DLC1: variants seen among roughly 807,000 people sequenced by gnomAD.
The protein encoded by DLC1 is rho GTPase-activating protein 7.
DLC1 carries 54 observed loss-of-function variants against 140.3 expected under a neutral mutation model. The observed-to-expected ratio is 0.38, with a 90% CI of 0.31 to 0.48. The LOEUF is 0.48. Among genes scored for constraint, DLC1 ranks in the 20% least tolerant of loss-of-function variants. The pLI is 0.96. For missense variants in DLC1, 2,536 were observed against 1,907.0 expected (o/e 1.33, Z -6.14); for synonymous variants, 986 against 728.1 (o/e 1.35, Z -5.70).
At chr8:13,563,759 A>C (rs1270178254) in intron 1 of DLC1, among the ~76,000 whole-genome samples, 1 of 152,214 alleles carries the variant, frequency 6.6e-6, no homozygotes, top group Non-Finnish European at 1.5e-5. Flanking sequence ...GATTTAGCTA[A>C]AGGAATAATT....
chr8:13,196,311 GA>G (rs1239198337), intron 5 of DLC1, among the ~76,000 whole-genome samples: 7 of 152,036 alleles, frequency 4.6e-5, no homozygotes, highest in Non-Finnish European at 1.0e-4. Context: ...GATACAAGAA[GA>G]AAAAAATATT....
intron 5 of DLC1, among the ~76,000 whole-genome samples, chr8:13,221,562 G>C (rs1281800886): frequency 6.7e-6 from 1 of 150,316 alleles, no homozygotes; most frequent in African/African-American, 2.4e-5. Context: ...GTAGAGATGA[G>C]GTTTCACCAT....
intron 2 of DLC1, among the ~76,000 whole-genome samples, chr8:13,408,198 C>T (rs1163819293): frequency 6.6e-6 from 1 of 152,126 alleles, no homozygotes; most frequent in East Asian, 1.9e-4. Context: ...CGTTCAACTC[C>T]AAGTTCTAGG....
chr8:13,253,266 G>A (rs1424472286), intron 5 of DLC1, among the ~76,000 whole-genome samples: 1 of 152,164 alleles, frequency 6.6e-6, no homozygotes. Context: ...GAGATTTGAA[G>A]GAAGAAGCTG....
chr8:13,266,346 T>C lies in DLC1; in HGVS notation c.1348+38923A>G, dbSNP rs572550034. Among the ~76,000 whole-genome samples, 257 of 152,304 alleles carry C rather than the reference T, an allele frequency of 1.7e-3. 1 individual carries two copies. The highest frequency in any genetic ancestry group is 5.8e-3 in the African/African-American group (243 of 41,566). ...ATGGCTCTGGGCATGTTTTGTATGT[T>C]GTTTGGTTGGAGGGGCTTGGTAGCC... On this transcript the variant is annotated intron_variant, in intron 5 of 17. Coordinates refer to ENST00000276297, the MANE Select transcript of DLC1 (RefSeq NM_182643.3).
chr8:13,419,221 A>C (rs890720657), intron 2 of DLC1, among the ~76,000 whole-genome samples: 27 of 151,798 alleles, frequency 1.8e-4, no homozygotes, highest in African/African-American at 6.0e-4. Context: ...TCTCCTGCCT[A>C]ATTGCCCTGG....
In DLC1 at chr8:13,499,084, G is replaced by A. The variant is rs1563399712; in HGVS notation, c.988C>T (p.Pro330Ser). The change falls in exon 2 of 18, where the codon CCC (proline) becomes TCC (serine). Residue 330 changes from proline to serine, a missense_variant. Pro to Ser is a moderately conservative substitution (Grantham distance 74, BLOSUM62 -1). Transcript: ENST00000276297. ...CGAAGTCTGACTTGGTTATCTGTGG[G>A]TTCCTGGGTGGCCAGGGTCTCCTTT... ...QLKETLATQE[P>S]TDNQVRLRKR... The A allele has an allele frequency of 1.9e-6, 3 of 1,613,632 alleles. No homozygotes were observed. Among genetic ancestry groups the A allele is most frequent in the Middle Eastern group, 1.6e-4 (1 of 6,062 alleles).
intron 5 of DLC1, among the ~76,000 whole-genome samples, chr8:13,136,514 T>G (rs1822568629): frequency 1.3e-5 from 2 of 152,186 alleles, no homozygotes. Context: ...GGACATCATT[T>G]CATTCTTGTT....
intron 4 of DLC1, among the ~76,000 whole-genome samples, chr8:13,345,234 C>CT (rs763261228): frequency 4.6e-5 from 7 of 152,106 alleles, no homozygotes; most frequent in Admixed American, 1.3e-4. Flanking sequence ...ACTTGTAAAA[C>CT]TGTTTCTCCT....
intron 1 of DLC1, among the ~76,000 whole-genome samples, chr8:13,597,058 C>A (rs1199129643): frequency 6.6e-6 from 1 of 151,752 alleles, no homozygotes; most frequent in African/African-American, 2.4e-5. Context: ...GCAGCAAGGA[C>A]AAGTAAATTC....
At chr8:13,494,279 C>T (rs1563395963) in intron 2 of DLC1, among the ~76,000 whole-genome samples, 1 of 152,150 alleles carries the variant, frequency 6.6e-6, no homozygotes, top group Non-Finnish European at 1.5e-5. Context: ...TAAATTGTCC[C>T]TTACGTCTTT....
intron 5 of DLC1, among the ~76,000 whole-genome samples, chr8:13,121,759 C>T (rs1209460746): frequency 6.6e-6 from 1 of 152,028 alleles, no homozygotes; most frequent in Non-Finnish European, 1.5e-5. Context: ...CGCTATGTTG[C>T]CCAGGCTGAT....
At chr8:13,220,173 G>A (rs968034362) in intron 5 of DLC1, among the ~76,000 whole-genome samples, 3 of 152,088 alleles carry the variant, frequency 2.0e-5, no homozygotes, top group Non-Finnish European at 4.4e-5. Context: ...GATTAAAATG[G>A]TGAATTTTAT....
At chr8:13,497,358 C>T (rs947135545) in intron 2 of DLC1, among the ~76,000 whole-genome samples, 1 of 152,136 alleles carries the variant, frequency 6.6e-6, no homozygotes, top group Admixed American at 6.5e-5. Context: ...AAATTCCCAA[C>T]CTAAAAGTTT....
At chr8:13,331,080 G>T (rs2116943833) in intron 4 of DLC1, among the ~76,000 whole-genome samples, 1 of 152,300 alleles carries the variant, frequency 6.6e-6, no homozygotes, top group South Asian at 2.1e-4. Context: ...CCAGAGCCAG[G>T]TTCCTCTGGT....
intron 4 of DLC1, among the ~76,000 whole-genome samples, chr8:13,314,981 T>A (rs1052063643): frequency 1.3e-5 from 2 of 152,156 alleles, no homozygotes; most frequent in African/African-American, 2.4e-5. Flanking sequence ...AAATATAGGT[T>A]TTATTTTGGC....
chr8:13,577,351 G>C (rs775606981), intron 1 of DLC1, among the ~76,000 whole-genome samples: 2 of 152,192 alleles, frequency 1.3e-5, no homozygotes, highest in Non-Finnish European at 1.5e-5. Flanking sequence ...CGATGGGTCA[G>C]TGTCCGTGTC....
chr8:13,190,605 A>T (rs1276976086), intron 5 of DLC1, among the ~76,000 whole-genome samples: 3 of 152,206 alleles, frequency 2.0e-5, no homozygotes, highest in Non-Finnish European at 4.4e-5. Context: ...GTAGCAAATA[A>T]TGAATTTGCA....
At chr8:13,138,827 A>G (rs894570225) in intron 5 of DLC1, among the ~76,000 whole-genome samples, 2 of 152,202 alleles carry the variant, frequency 1.3e-5, no homozygotes, top group African/African-American at 2.4e-5. Context: ...TAGGATGAAG[A>G]AAGAGGAGAA....
Sources: gnomAD v4.1 joint callset for allele counts (sites outside exome capture counted in the v4.1 genomes callset) on GRCh38, gnomAD v4.1.1 for gene constraint, MANE v1.5 for transcripts, NCBI Gene and HGNC (gene_info 2026-07-23, HGNC 2026-07-21) for gene names.